MTOR: variants seen among roughly 807,000 people sequenced by gnomAD.
MTOR encodes mechanistic target of rapamycin kinase, also known as serine/threonine-protein kinase mTOR.
MTOR carries 70 observed loss-of-function variants against 319.8 expected under a neutral mutation model. The ratio of observed to expected loss-of-function variants is 0.22; its 90% CI spans 0.18 to 0.27. The LOEUF is 0.27. Ranked by LOEUF, MTOR falls within the 10% of genes least tolerant of loss-of-function variation. MTOR has a pLI of 1.00. For synonymous variants in MTOR, 1,183 were observed against 1,211.4 expected (o/e 0.98, Z 0.49); for missense variants, 1,890 against 3,274.4 (o/e 0.58, Z 10.32).
At chr1:11,214,513 T>C (rs1052278438) in intron 20 of MTOR, among the ~76,000 whole-genome samples, 1 of 151,762 alleles carries the variant, frequency 6.6e-6, no homozygotes, top group Admixed American at 6.6e-5. Flanking sequence ...GAAACCCTAC[T>C]AATGATGGCA....
chr1:11,132,417 T>G (rs925786312), intron 38 of MTOR: 1 of 152,308 alleles, frequency 6.6e-6, no homozygotes, highest in Admixed American at 6.5e-5. Context: ...AGTTTAGATT[T>G]CAGAGAGATT....
At chr1:11,179,004 C>G (rs1223984523) in intron 28 of MTOR, among the ~76,000 whole-genome samples, 2 of 152,126 alleles carry the variant, frequency 1.3e-5, no homozygotes, top group Admixed American at 6.5e-5. Flanking sequence ...ATAATGATGC[C>G]CATTCTGGGT....
chr1:11,184,381 A>G (rs1238411839), intron 28 of MTOR, among the ~76,000 whole-genome samples: 1 of 152,186 alleles, frequency 6.6e-6, no homozygotes, highest in African/African-American at 2.4e-5. Flanking sequence ...GGTATTTAAT[A>G]TGAATGCATT....
chr1:11,207,047 T>C (rs368710166), intron 25 of MTOR, among the ~76,000 whole-genome samples: 2 of 152,220 alleles, frequency 1.3e-5, no homozygotes, highest in Admixed American at 6.5e-5. Context: ...TATCATCACA[T>C]GATTATAAGG....
chr1:11,150,120 C>T lies in MTOR; in HGVS notation c.4570+6G>A, dbSNP rs951502183. On this transcript the variant is annotated splice_donor_region_variant and intron_variant, in intron 31 of 57. Coordinates refer to ENST00000361445, the MANE Select transcript of MTOR (RefSeq NM_004958.4). ...CTTCACAGGGTGCCTGTGAGGGAAG[C>T]TTTACCTAAACCCCATGCAGCTGCA... The T allele has an allele frequency of 1.2e-6, 2 of 1,613,368 alleles. No homozygotes were observed. The highest frequency in any genetic ancestry group is 1.7e-6 in the Non-Finnish European group (2 of 1,179,774).
At chr1:11,174,689 G>A (rs552092888) in intron 28 of MTOR, among the ~76,000 whole-genome samples, 56 of 152,238 alleles carry the variant, frequency 3.7e-4, no homozygotes, top group African/African-American at 1.2e-3. Context: ...CTGTATGTTC[G>A]GCTCCTGTGA....
At chr1:11,160,272 G>C (rs1044628639) in intron 29 of MTOR, among the ~76,000 whole-genome samples, 2 of 151,966 alleles carry the variant, frequency 1.3e-5, no homozygotes, top group African/African-American at 4.8e-5. Flanking sequence ...GGCTAATTTT[G>C]TATTTTTAGT....
At chr1:11,248,920 T>C (rs1037173327) in intron 6 of MTOR, among the ~76,000 whole-genome samples, 2 of 152,092 alleles carry the variant, frequency 1.3e-5, no homozygotes, top group Admixed American at 1.3e-4. Context: ...ACCTTTACAA[T>C]GGGCTGCTTA....
In MTOR at chr1:11,240,554, G is replaced by A. The variant is rs2100910600; in HGVS notation, c.1542-7C>T. On this transcript the variant is annotated splice_polypyrimidine_tract_variant and splice_region_variant and intron_variant, in intron 10 of 57. Coordinates refer to ENST00000361445, the MANE Select transcript of MTOR (RefSeq NM_004958.4). ...CACTGCAGTGAGGGCAGGGCTGAGGGGAAGGAAACAAGTCACATAAGGGCT... is the reference window on the plus strand; with the variant it reads ...CACTGCAGTGAGGGCAGGGCTGAGGAGAAGGAAACAAGTCACATAAGGGCT... The A allele has an allele frequency of 6.2e-7, 1 of 1,612,640 alleles. No individual in the cohort carries two copies. Among genetic ancestry groups the A allele is most frequent in the Non-Finnish European group, 8.5e-7 (1 of 1,179,124 alleles).
chr1:11,126,299 C>T (rs1393842317), intron 46 of MTOR, among the ~76,000 whole-genome samples: 2 of 152,158 alleles, frequency 1.3e-5, no homozygotes, highest in African/African-American at 4.8e-5. Context: ...AGCACCTTCC[C>T]TGCTTGCACC....
At chr1:11,164,263 A>T (rs568107499) in intron 29 of MTOR, among the ~76,000 whole-genome samples, 1 of 140,022 alleles carries the variant, frequency 7.1e-6, no homozygotes, top group African/African-American at 2.6e-5. Flanking sequence ...TGAACCTGGG[A>T]GGCGGAGCTT....
chr1:11,163,514 AT>A (rs1170520054), intron 29 of MTOR, among the ~76,000 whole-genome samples: 38 of 152,340 alleles, frequency 2.5e-4, no homozygotes, highest in Middle Eastern at 3.4e-3. Context: ...TTATTCCAAA[AT>A]TGACCACATA....
At chr1:11,217,784 A>G (rs1646521057) in intron 19 of MTOR, among the ~76,000 whole-genome samples, 2 of 151,930 alleles carry the variant, frequency 1.3e-5, no homozygotes, top group Non-Finnish European at 2.9e-5. Context: ...GAAAATGAAC[A>G]TATGTATTTT....
At chr1:11,237,735 C>A in intron 13 of MTOR, 108 bp downstream of exon 13, 1 of 1,227,100 alleles carries the variant, frequency 8.1e-7, no homozygotes, top group Non-Finnish European at 1.2e-6. Context: ...TTACCAGGTA[C>A]CTCAATCTTT....
At chr1:11,230,734 T>A (rs1406091111) in intron 18 of MTOR, among the ~76,000 whole-genome samples, 191 bp downstream of exon 18, 2 of 152,174 alleles carry the variant, frequency 1.3e-5, no homozygotes, top group Non-Finnish European at 2.9e-5. Flanking sequence ...ACATGAGGAC[T>A]CTGGCCACAA....
intron 28 of MTOR, among the ~76,000 whole-genome samples, chr1:11,183,369 G>A (rs1645217601): frequency 2.0e-5 from 3 of 152,056 alleles, no homozygotes. Flanking sequence ...TTGGGCTCAA[G>A]CAATCCTTCC....
chr1:11,212,259 C>T lies in MTOR; in HGVS notation c.3561+53G>A. 6.4e-7 allele frequency: 1 copy of T among 1,554,246 alleles called. No individual in the cohort carries two copies. The highest frequency in any genetic ancestry group is 8.7e-7 in the Non-Finnish European group (1 of 1,149,856). ...AGTCTGAGTGGCTCACAGACAAAGT[C>T]TTCTTTCCAAATAAGGCAGAAGAGC... On this transcript the variant is annotated intron_variant, in intron 23 of 57. Transcript: ENST00000361445. The surrounding 1 kb of genome is among the most constrained non-coding windows in gnomAD (Gnocchi z 4.1).
intron 8 of MTOR, among the ~76,000 whole-genome samples, chr1:11,244,565 A>G (rs1425815837): frequency 1.3e-5 from 2 of 152,090 alleles, no homozygotes; most frequent in African/African-American, 4.8e-5. Context: ...CGGGAGGCAG[A>G]GGTTGCAGTG....
At chr1:11,150,585 G>A (rs940731979) in intron 30 of MTOR, among the ~76,000 whole-genome samples, 6 of 152,152 alleles carry the variant, frequency 3.9e-5, no homozygotes, top group African/African-American at 1.2e-4. Flanking sequence ...CTGAAGAGAC[G>A]CATCTGGACA....
Sources: allele counts gnomAD v4.1 joint callset (sites outside exome capture counted in the v4.1 genomes callset), GRCh38; gene constraint gnomAD v4.1.1; non-coding constraint Gnocchi (gnomAD v3.1); transcripts MANE v1.5; gene names NCBI Gene and HGNC (gene_info 2026-07-23, HGNC 2026-07-21).